Variants in FBN1 observed in about 807,000 individuals in gnomAD.
FBN1 encodes fibrillin 1.
In FBN1, 29 loss-of-function variants were observed where a neutral mutation model predicts 365.1. The observed-to-expected ratio is 0.08, with a 90% CI of 0.06 to 0.11. FBN1 has a LOEUF of 0.11. Ranked by LOEUF, FBN1 falls within the 10% of genes least tolerant of loss-of-function variation. FBN1 has a pLI of 1.00. For missense variants in FBN1, 2,476 were observed against 3,703.2 expected, an observed-to-expected ratio of 0.67 and a Z score of 8.60; for synonymous variants, 1,210 against 1,270.5, an observed-to-expected ratio of 0.95 and a Z score of 1.01.
chr15:48,522,937 C>T (rs2041820996), intron 9 of FBN1, among the ~76,000 whole-genome samples: 1 of 152,124 alleles, frequency 6.6e-6, no homozygotes, highest in Non-Finnish European at 1.5e-5. Flanking sequence ...AGTTTTATTC[C>T]AGCCTGGTCC....
chr15:48,427,871 T>C (rs2042990510), intron 57 of FBN1, 98 bp from the exon 58 acceptor site: 2 of 1,039,604 alleles, frequency 1.9e-6, no homozygotes, highest in Non-Finnish European at 2.9e-6. Flanking sequence ...AAAAAGGATG[T>C]AACACTTTAC....
chr15:48,572,406 A>AT (rs2044313077), intron 6 of FBN1, among the ~76,000 whole-genome samples: 1 of 152,148 alleles, frequency 6.6e-6, no homozygotes, highest in African/African-American at 2.4e-5. Flanking sequence ...CAAGTTTTCA[A>AT]TAAAGGGGAG....
At position 48,440,953 on chromosome 15, in the gene FBN1, CA is replaced by C. The variant is rs139351532; in HGVS notation, c.6163+767del. On this transcript the variant is annotated intron_variant, in intron 50 of 65. Coordinates refer to ENST00000316623, the MANE Select transcript of FBN1 (RefSeq NM_000138.5). ...CAAAACAACAGTAACAACCAAACAACAAAAGCTACAAGTGGAAAAAAAAGAA... is the reference window on the plus strand; with the variant it reads ...CAAAACAACAGTAACAACCAAACAACAAAGCTACAAGTGGAAAAAAAAGAA... Among the ~76,000 whole-genome samples, 1,373 of 143,986 alleles carry C rather than the reference CA, an allele frequency of 9.5e-3. 24 individuals are homozygous for C. Among genetic ancestry groups the C allele is most frequent in the African/African-American group, 0.033 (1,311 of 39,244 alleles). 94.5% of individuals were successfully genotyped at this position (143,986 alleles called of 152,430 possible).
At chr15:48,584,855 G>A (rs2044423458) in intron 6 of FBN1, among the ~76,000 whole-genome samples, 1 of 152,080 alleles carries the variant, frequency 6.6e-6, no homozygotes. Flanking sequence ...AAGATACTGT[G>A]GATGCTTCTG....
In FBN1 at chr15:48,468,583, C is replaced by A. The variant is rs570953155; in HGVS notation, c.4460-49G>T. 2.4e-5 allele frequency: 38 copies of A among 1,608,512 alleles called. No homozygotes were observed. The East Asian group carries it at 4.0e-4, about 17-fold the overall frequency. The stretch of plus-strand genomic sequence containing the variant: ...GAGTTATCACCTGAGCCAGTGTAGG[C>A]AGACATCACCATAAAAGAACAGGGC... On this transcript the variant is annotated intron_variant, in intron 36 of 65. Transcript: ENST00000316623.
chr15:48,560,519 T>TC (rs1456847451), intron 6 of FBN1, among the ~76,000 whole-genome samples: 5 of 152,110 alleles, frequency 3.3e-5, no homozygotes, highest in African/African-American at 1.2e-4. Flanking sequence ...GGTTTGGGAT[T>TC]CCCCATCCCC....
intron 15 of FBN1, among the ~76,000 whole-genome samples, chr15:48,505,808 G>A (rs552454061): frequency 1.4e-4 from 21 of 152,314 alleles, no homozygotes; most frequent in Admixed American, 1.2e-3. Flanking sequence ...ACTTAAGGAG[G>A]TCTGGTAAAA....
chr15:48,580,920 A>G (rs571565430), intron 6 of FBN1, among the ~76,000 whole-genome samples: 61 of 152,314 alleles, frequency 4.0e-4, no homozygotes, highest in African/African-American at 1.4e-3. Context: ...AACAGAGACT[A>G]AAACTGCATG....
intron 6 of FBN1, among the ~76,000 whole-genome samples, chr15:48,545,947 G>A (rs775955235): frequency 6.6e-6 from 1 of 152,164 alleles, no homozygotes; most frequent in African/African-American, 2.4e-5. Flanking sequence ...ATCGCTTGCC[G>A]TAGTGAGCCG....
At chr15:48,602,948 A>G (rs1184074005) in intron 4 of FBN1, among the ~76,000 whole-genome samples, 1 of 152,242 alleles carries the variant, frequency 6.6e-6, no homozygotes, top group African/African-American at 2.4e-5. Flanking sequence ...CTCAGCCTTC[A>G]AACTGATTTC....
intron 6 of FBN1, among the ~76,000 whole-genome samples, chr15:48,594,674 A>G (rs2044503722): frequency 6.6e-6 from 1 of 152,208 alleles, no homozygotes; most frequent in African/African-American, 2.4e-5. Context: ...GTTATCATCA[A>G]TATCAACTAT....
At position 48,495,487 on chromosome 15, in the gene FBN1, T is replaced by C. The variant is rs1381506466; in HGVS notation, c.2521A>G (p.Thr841Ala). ...TAAATACCTATGCAGATGGTTTTTG[T>C]TGGATCCAAAGTACTTTCAGAAGAA... The part of the protein sequence containing the change: ...ECSSESTLDP[T>A]KTICIETIKG... The change falls in exon 21 of 66, where the codon ACA becomes GCA. Residue 841 changes from threonine to alanine, a missense_variant. Physicochemically the swap from Thr to Ala is moderately conservative, Grantham distance 58. Transcript: ENST00000316623. 6.2e-7 allele frequency: 1 copy of C among 1,613,964 alleles called. No homozygotes were observed. The highest frequency in any genetic ancestry group is 8.5e-7 in the Non-Finnish European group (1 of 1,180,008).
chr15:48,584,677 T>A (rs1401724735), intron 6 of FBN1, among the ~76,000 whole-genome samples: 1 of 152,084 alleles, frequency 6.6e-6, no homozygotes, highest in African/African-American at 2.4e-5. Flanking sequence ...TAGAAAGAAA[T>A]GAGGCCTAAA....
Position 48,474,592 on chromosome 15 carries a change from A to G in FBN1, c.4023T>C (p.Asn1341=), listed in dbSNP as rs2043404831. 3 of 1,614,176 alleles carry G rather than the reference A, an allele frequency of 1.9e-6. No individual in the cohort carries two copies. The highest frequency in any genetic ancestry group is 2.5e-6 in the Non-Finnish European group (3 of 1,180,020). ...AGCTACATTTGAAGCTTCCTGCTGT[A>G]TTGGTACATACAGCATGTTTGCCAC... ...HNCGKHAVCT[N]TAGSFKCSCS... Residue 1341 remains asparagine (N), a synonymous_variant, in exon 33 of 66, where the codon AAT becomes AAC. Transcript: ENST00000316623.
intron 63 of FBN1, among the ~76,000 whole-genome samples, chr15:48,420,212 C>CAAAACA (rs1555394111): frequency 6.6e-6 from 1 of 152,012 alleles, no homozygotes. Flanking sequence ...CAAAACAAAA[C>CAAAACA]AAAACACACA....
intron 6 of FBN1, among the ~76,000 whole-genome samples, chr15:48,567,273 T>C (rs1436412051): frequency 5.3e-5 from 8 of 152,216 alleles, no homozygotes; most frequent in Non-Finnish European, 1.0e-4. Context: ...GGGGCTTTTA[T>C]TTGTATATTT....
chr15:48,491,853 A>T (rs192383094), intron 24 of FBN1, among the ~76,000 whole-genome samples: 21 of 152,328 alleles, frequency 1.4e-4, no homozygotes, highest in African/African-American at 5.1e-4. Context: ...GAGATGTGCG[A>T]TCTCAAACTT....
At chr15:48,531,381 A>G (rs1267288414) in intron 8 of FBN1, among the ~76,000 whole-genome samples, 1 of 152,170 alleles carries the variant, frequency 6.6e-6, no homozygotes, top group Non-Finnish European at 1.5e-5. Context: ...TGAGAGCGTG[A>G]GGGTTAGCAT....
chr15:48,455,395 A>G (rs2043231146), intron 44 of FBN1, among the ~76,000 whole-genome samples: 1 of 152,220 alleles, frequency 6.6e-6, no homozygotes. Flanking sequence ...AGTGGTTAAA[A>G]GGTACCTGGG....
Sources: allele counts gnomAD v4.1 joint callset (sites outside exome capture counted in the v4.1 genomes callset), GRCh38; gene constraint gnomAD v4.1.1; transcripts MANE v1.5; gene names NCBI Gene and HGNC (gene_info 2026-07-23, HGNC 2026-07-21).